IFIH1: variants seen among roughly 807,000 people sequenced by gnomAD.
The protein encoded by IFIH1 is interferon-induced helicase C domain-containing protein 1.
A neutral mutation model predicts 107.4 loss-of-function variants in IFIH1; 125 were observed. The ratio of observed to expected loss-of-function variants is 1.16; its 90% CI spans 1.01 to 1.35. The LOEUF is 1.35. IFIH1 is among the 40% of genes most tolerant of loss of function. IFIH1 has a pLI of 0.00. For missense variants in IFIH1, 1,333 were observed against 1,213.7 expected (o/e 1.10, Z -1.46); for synonymous variants, 458 against 413.2 (o/e 1.11, Z -1.31).
intron 2 of IFIH1, 152 bp from the exon 3 acceptor site, chr2:162,307,007 G>T: frequency 3.3e-6 from 2 of 602,846 alleles, no homozygotes; most frequent in Non-Finnish European, 5.6e-6. Context: ...TGAATAGAAT[G>T]TAAATTGTAT....
At chr2:162,293,091 C>T (rs1476755286) in intron 4 of IFIH1, among the ~76,000 whole-genome samples, 2 of 151,902 alleles carry the variant, frequency 1.3e-5, no homozygotes, top group African/African-American at 4.8e-5. Context: ...AACTCTACTC[C>T]TATTCAAAAG....
chr2:162,291,036 G>T (rs973783161), intron 4 of IFIH1, among the ~76,000 whole-genome samples: 4 of 151,652 alleles, frequency 2.6e-5, no homozygotes, highest in South Asian at 4.1e-4. Flanking sequence ...GTTTGTTTTT[G>T]GCTTTCTCTG....
intron 1 of IFIH1, among the ~76,000 whole-genome samples, chr2:162,315,262 T>A (rs1457532536): frequency 6.6e-6 from 1 of 152,224 alleles, no homozygotes; most frequent in Non-Finnish European, 1.5e-5. Flanking sequence ...TTTTCAACGC[T>A]TATTCCAGAC....
chr2:162,272,373 G>C lies in IFIH1; in HGVS notation c.2469C>G (p.Ala823=), dbSNP rs13418718. 2 of 1,612,588 alleles carry C rather than the reference G, an allele frequency of 1.2e-6. No homozygotes were observed. Among genetic ancestry groups the C allele is most frequent in the Middle Eastern group, 1.7e-4 (1 of 6,050 alleles). ...GGACGTAGGTGCTCTCATCAGCTCT[G>C]GCTCGACCACGGGCCTGAAAACACA... ...EIAMVQARGR[A]RADESTYVLV... The change falls in exon 13 of 16, where the codon GCC becomes GCG. Residue 823 remains alanine, a synonymous_variant. Coordinates refer to ENST00000649979, the MANE Select transcript of IFIH1 (RefSeq NM_022168.4).
At chr2:162,307,903 GGTAA>G (rs1683315364) in intron 2 of IFIH1, among the ~76,000 whole-genome samples, 2 of 152,064 alleles carry the variant, frequency 1.3e-5, no homozygotes, top group Admixed American at 6.6e-5. Context: ...AAACCTAGAT[GGTAA>G]GTAATATTAT....
At position 162,267,396 on chromosome 2, in the gene IFIH1, A is replaced by C; in HGVS notation, c.2899-17T>G. 1 of 1,613,916 alleles carries C rather than the reference A, an allele frequency of 6.2e-7. No homozygotes were observed. Among genetic ancestry groups the C allele is most frequent in the Non-Finnish European group, 8.5e-7 (1 of 1,179,912 alleles). On this transcript the variant is annotated splice_polypyrimidine_tract_variant and intron_variant, in intron 15 of 15. Transcript: ENST00000649979. Reference sequence around the variant, plus strand: ...TCCCCAAGCCTGGAAAACAAAAGAGAGAGCAAGAGGAAAATTAAATGTACA... The same window carrying C: ...TCCCCAAGCCTGGAAAACAAAAGAGCGAGCAAGAGGAAAATTAAATGTACA...
intron 11 of IFIH1, among the ~76,000 whole-genome samples, chr2:162,275,997 T>C (rs1371102083): frequency 2.6e-5 from 4 of 152,238 alleles, no homozygotes; most frequent in African/African-American, 9.6e-5. Context: ...GTTCTAGTTA[T>C]AACGAACACA....
At chr2:162,301,440 T>C (rs1219247550) in intron 3 of IFIH1, among the ~76,000 whole-genome samples, 1 of 152,152 alleles carries the variant, frequency 6.6e-6, no homozygotes, top group Admixed American at 6.5e-5. Context: ...TGTAACACAA[T>C]GATTAAAGAA....
At position 162,276,760 on chromosome 2, in the gene IFIH1, A is replaced by G; in HGVS notation, c.2231T>C (p.Phe744Ser). 1 of 1,613,992 alleles carries G rather than the reference A, an allele frequency of 6.2e-7. No homozygotes were observed. The change falls in exon 11 of 16, where the codon TTT becomes TCT. Residue 744 changes from phenylalanine to serine, a missense_variant. Phe to Ser is a radical substitution (Grantham distance 155). Coordinates refer to ENST00000649979, the MANE Select transcript of IFIH1 (RefSeq NM_022168.4). ...GTGGGCTTTGACTCCTACTTCAGCA[A>G]ATTTTTCATTTTCAGTAATCCACTG... is the stretch of plus-strand genomic sequence containing the variant. ...LSQWITENEK[F>S]AEVGVKAHHL...
intron 9 of IFIH1, 135 bp downstream of exon 9, chr2:162,278,070 T>C (rs1358434710): frequency 1.4e-6 from 1 of 704,578 alleles, no homozygotes; most frequent in Non-Finnish European, 2.4e-6. Context: ...TTATTATGCT[T>C]GTCCTACAGA....
chr2:162,277,731 A>C, intron 9 of IFIH1, 38 bp from the exon 10 acceptor site: 1 of 1,562,814 alleles, frequency 6.4e-7, no homozygotes, highest in Non-Finnish European at 8.6e-7. Context: ...AATAATAAGC[A>C]TATAAACCCC....
intron 3 of IFIH1, among the ~76,000 whole-genome samples, chr2:162,303,026 T>C (rs1683218271): frequency 6.6e-6 from 1 of 152,222 alleles, no homozygotes; most frequent in South Asian, 2.1e-4. Flanking sequence ...GTACTACTCT[T>C]TCATGGCACT....
chr2:162,310,982 T>C, intron 1 of IFIH1, 49 bp from the exon 2 acceptor site: 1 of 1,462,958 alleles, frequency 6.8e-7, no homozygotes, highest in Non-Finnish European at 9.5e-7. Flanking sequence ...ATCTTCTGAA[T>C]AACCTTAAAC....
chr2:162,295,841 T>C (rs10439256), intron 3 of IFIH1, among the ~76,000 whole-genome samples: 19,184 of 151,844 alleles, frequency 0.13, 2,820 homozygotes, highest in African/African-American at 0.33. Context: ...GAAAAGAGAA[T>C]ATGATTTGTA....
chr2:162,315,916 A>T (rs1683482602), intron 1 of IFIH1, among the ~76,000 whole-genome samples: 1 of 152,298 alleles, frequency 6.6e-6, no homozygotes, highest in East Asian at 1.9e-4. Flanking sequence ...GAGAGCCTCA[A>T]ATTTATAGCT....
chr2:162,288,535 A>T (rs6746073), intron 4 of IFIH1, among the ~76,000 whole-genome samples, 180 bp from the exon 5 acceptor site: 3 of 151,830 alleles, frequency 2.0e-5, no homozygotes, highest in Non-Finnish European at 4.4e-5. Flanking sequence ...AGAATACAAC[A>T]CAGGCTCCCT....
At chr2:162,313,087 T>C (rs1235407880) in intron 1 of IFIH1, among the ~76,000 whole-genome samples, 3 of 152,224 alleles carry the variant, frequency 2.0e-5, no homozygotes, top group Non-Finnish European at 4.4e-5. Flanking sequence ...AACATATTCT[T>C]ACAATTTGAA....
intron 3 of IFIH1, among the ~76,000 whole-genome samples, chr2:162,300,193 T>C (rs2105220477): frequency 6.6e-6 from 1 of 152,316 alleles, no homozygotes; most frequent in Non-Finnish European, 1.5e-5. Context: ...GTTCTCTCAA[T>C]GATACTGTAT....
intron 13 of IFIH1, among the ~76,000 whole-genome samples, chr2:162,269,666 T>C (rs555877415): frequency 2.0e-5 from 3 of 152,228 alleles, no homozygotes; most frequent in Non-Finnish European, 4.4e-5. Context: ...TATTAAATTA[T>C]GGAAGAATTA....
Sources: gnomAD v4.1 joint callset for allele counts (sites outside exome capture counted in the v4.1 genomes callset) on GRCh38, gnomAD v4.1.1 for gene constraint, MANE v1.5 for transcripts, NCBI Gene and HGNC (gene_info 2026-07-23, HGNC 2026-07-21) for gene names.